FAT2: variants seen among roughly 807,000 people sequenced by gnomAD.
The protein encoded by FAT2 is protocadherin Fat 2.
A neutral mutation model predicts 295.3 loss-of-function variants in FAT2; 150 were observed. The ratio of observed to expected loss-of-function variants is 0.51; its 90% CI spans 0.44 to 0.58. The LOEUF (loss-of-function observed/expected upper bound fraction) is 0.58. Ranked by LOEUF, FAT2 falls within the 20% of genes least tolerant of loss-of-function variation. The probability of loss-of-function intolerance (pLI) is 0.00; values close to 1 mark genes in which losing one functional copy is unlikely to be tolerated. For missense variants in FAT2, 4,868 were observed against 5,442.7 expected (o/e 0.89, Z 3.32); for synonymous variants, 2,026 against 2,150.3 (o/e 0.94, Z 1.60).
chr5:151,593,402 C>T (rs77226365), upstream of FAT2, among the ~76,000 whole-genome samples: 1,793 of 152,238 alleles, frequency 0.012, 39 homozygotes, highest in African/African-American at 0.041. Context: ...ATTTCAGAGC[C>T]TCTTAAGGCT....
intron 22 of FAT2, among the ~76,000 whole-genome samples, chr5:151,509,024 TTCTC>T (rs1164503559): frequency 6.6e-6 from 1 of 152,142 alleles, no homozygotes. Flanking sequence ...CAAAGTCTCT[TTCTC>T]TCTAGGATTC....
intron 1 of FAT2, among the ~76,000 whole-genome samples, chr5:151,576,808 A>C (rs1176233829): frequency 6.6e-6 from 1 of 152,160 alleles, no homozygotes; most frequent in East Asian, 1.9e-4. Context: ...AGAAGTTTGC[A>C]CAAGTTTGTT....
chr5:151,558,070 T>C (rs3097777), intron 3 of FAT2, among the ~76,000 whole-genome samples: 4,903 of 152,274 alleles, frequency 0.032, 124 homozygotes, highest in Middle Eastern at 0.051. Context: ...ACCTTTAACA[T>C]CTTTCTGGCT....
At chr5:151,510,840 C>T (rs10070965) in intron 21 of FAT2, 109,233 of 152,016 alleles carry the variant, frequency 0.72, 39,665 homozygotes, top group East Asian at 0.96. Flanking sequence ...GAGAAGAGTG[C>T]GTGCAAAGGC....
rs958534265 is a variant in FAT2 at position 151,504,389 on chromosome 5, C to T, written c.*1176G>A. On this transcript the variant is annotated 3_prime_UTR_variant, in exon 24 of 24. Transcript: ENST00000261800. ...CCACAGAGGCTTCTGGTCCCCACCACTCCTGGCTACATACACTCTACACAT... is the reference window on the plus strand; with the variant it reads ...CCACAGAGGCTTCTGGTCCCCACCATTCCTGGCTACATACACTCTACACAT... 3 of 152,712 alleles carry T rather than the reference C, an allele frequency of 2.0e-5. No individual in the cohort carries two copies. Among genetic ancestry groups the T allele is most frequent in the Admixed American group, 6.5e-5 (1 of 15,288 alleles). 9.5% of individuals were successfully genotyped at this position (152,712 alleles called of 1,614,324 possible). A position where few individuals can be genotyped will look rare whatever the true frequency, so the allele number is the denominator to read the frequency against.
intron 1 of FAT2, among the ~76,000 whole-genome samples, chr5:151,576,824 G>GCAAA (rs1440999234): frequency 2.6e-5 from 4 of 152,134 alleles, no homozygotes; most frequent in African/African-American, 9.7e-5. Flanking sequence ...TTGTTATTGT[G>GCAAA]CAAACATCAT....
intron 13 of FAT2, among the ~76,000 whole-genome samples, chr5:151,533,299 T>C (rs1754854725): frequency 6.6e-6 from 1 of 152,062 alleles, no homozygotes; most frequent in South Asian, 2.1e-4. Context: ...AGATGGCTTA[T>C]GGGTCACTCC....
chr5:151,559,716 G>T (rs928249147), intron 3 of FAT2, among the ~76,000 whole-genome samples: 1 of 151,026 alleles, frequency 6.6e-6, no homozygotes, highest in East Asian at 1.9e-4. Context: ...TTCTACTTCT[G>T]CCTCTCACCA....
At chr5:151,552,341 A>G (rs1030103916) in intron 6 of FAT2, among the ~76,000 whole-genome samples, 1 of 152,182 alleles carries the variant, frequency 6.6e-6, no homozygotes, top group African/African-American at 2.4e-5. Flanking sequence ...GTATTAAAGA[A>G]AAAAAGTCAA....
chr5:151,538,010 AGAGT>A, intron 11 of FAT2, 64 bp from the exon 12 acceptor site: 1 of 1,483,630 alleles, frequency 6.7e-7, no homozygotes, highest in Non-Finnish European at 9.2e-7. Flanking sequence ...AGAGAGAAGC[AGAGT>A]GACTGACTGA....
chr5:151,579,282 C>T (rs1758855043), intron 1 of FAT2, among the ~76,000 whole-genome samples: 1 of 152,110 alleles, frequency 6.6e-6, no homozygotes, highest in South Asian at 2.1e-4. Flanking sequence ...AAAAAATAAG[C>T]ATGTAGGGGC....
intron 20 of FAT2, among the ~76,000 whole-genome samples, chr5:151,515,465 A>T (rs11744209): frequency 0.79 from 119,712 of 152,090 alleles, 47,584 homozygotes; most frequent in East Asian, 0.96. Context: ...GGCTTGTCTT[A>T]CCAGATCCAC....
chr5:151,504,109 A>C lies in FAT2; in HGVS notation c.*1456T>G, dbSNP rs1760663048. On this transcript the variant is annotated 3_prime_UTR_variant, in exon 24 of 24. Transcript: ENST00000261800. ...ACAGAAAATAACAGTAAAAAAAGAT[A>C]CTTTATTGTTAAAAAAAAAATGACC... The C allele has an allele frequency of 6.7e-6, 1 of 149,070 alleles. No individual in the cohort carries two copies. The highest frequency in any genetic ancestry group is 2.4e-5 in the African/African-American group (1 of 41,128). 9.2% of individuals were successfully genotyped at this position (149,070 alleles called of 1,614,324 possible). A position where few individuals can be genotyped will look rare whatever the true frequency, so the allele number is the denominator to read the frequency against.
chr5:151,567,612 G>T lies in FAT2; in HGVS notation c.1320C>A (p.Ala440=), dbSNP rs1413606886. The stretch of plus-strand genomic sequence containing the variant: ...CAATGTCAATGACCACCACGGTGGA[G>T]GCCTGGCCCGGTGAGGTTCTGATGT... ...QLHIRTSPGQ[A]STVVVIDIVD... is the part of the protein sequence containing the mutation. Residue 440 remains alanine (A), a synonymous_variant, in exon 2 of 24, where the codon GCC becomes GCA. Coordinates refer to ENST00000261800, the MANE Select transcript of FAT2 (RefSeq NM_001447.3). 2 of 1,614,052 alleles carry T rather than the reference G, an allele frequency of 1.2e-6. No homozygotes were observed. Among genetic ancestry groups the T allele is most frequent in the South Asian group, 1.1e-5 (1 of 91,078 alleles).
At chr5:151,570,403 G>A (rs1162198345) in intron 1 of FAT2, among the ~76,000 whole-genome samples, 2 of 152,214 alleles carry the variant, frequency 1.3e-5, no homozygotes, top group African/African-American at 2.4e-5. Context: ...CCCCAGAGTC[G>A]AGATCAGTCA....
At chr5:151,551,790 T>C (rs1333403344) in intron 6 of FAT2, among the ~76,000 whole-genome samples, 184 bp from the exon 7 acceptor site, 2 of 152,228 alleles carry the variant, frequency 1.3e-5, no homozygotes, top group Admixed American at 6.5e-5. Context: ...TGTCAAGTTG[T>C]TGTCAAGTTA....
chr5:151,568,527 C>G lies in FAT2; in HGVS notation c.405G>C (p.Val135=). ...GGTCATTCTGGTCCAGGATGTGGACCACCACACGGGTCAAAGCTTCCAACT... is the reference window on the plus strand; with the variant it reads ...GGTCATTCTGGTCCAGGATGTGGACGACCACACGGGTCAAAGCTTCCAACT... ...TLELEALTRV[V]VHILDQNDLK... Residue 135 remains valine (V), a synonymous_variant, in exon 2 of 24, where the codon GTG becomes GTC. Coordinates refer to ENST00000261800, the MANE Select transcript of FAT2 (RefSeq NM_001447.3). The G allele has an allele frequency of 6.2e-7, 1 of 1,614,010 alleles. No individual in the cohort carries two copies. The highest frequency in any genetic ancestry group is 8.5e-7 in the Non-Finnish European group (1 of 1,180,006).
rs2127626812 is a variant in FAT2 at position 151,553,195 on chromosome 5, A to G, written c.4138T>C (p.Phe1380Leu). ...GCCTCACCTGAGATGTTGAACCAGA[A>G]GAGTCCGGGTCTGCCCTCTACGCTG... is the stretch of plus-strand genomic sequence containing the variant. ...VISVEGRPGL[F>L]WFNISGGDKD... The change falls in exon 6 of 24, where the codon TTC (phenylalanine) becomes CTC (leucine). Residue 1380 changes from phenylalanine (F) to leucine (L), a missense_variant. Phe to Leu is a conservative substitution (Grantham distance 22). Around this residue, in one of 5 missense-constraint regions of FAT2, gnomAD observed 3,297 missense variants for 3,669.4 expected, o/e 0.90. Transcript: ENST00000261800. 3 of 1,614,258 alleles carry G rather than the reference A, an allele frequency of 1.9e-6. No individual in the cohort carries two copies. Among genetic ancestry groups the G allele is most frequent in the Non-Finnish European group, 2.5e-6 (3 of 1,180,044 alleles).
rs1756301365 is a variant in FAT2 at position 151,543,009 on chromosome 5, C to A, written c.8118G>T (p.Glu2706Asp). 1 of 1,614,080 alleles carries A rather than the reference C, an allele frequency of 6.2e-7. No individual in the cohort carries two copies. The highest frequency in any genetic ancestry group is 1.1e-5 in the South Asian group (1 of 91,078). ...YTFSAPEDLP[E>D]GSEIGIVKAV... ...CTTTAACAATCCCAATTTCAGACCC[C>A]TCTGGAAGGTCTTCAGGTGCAGAGA... The change falls in exon 10 of 24, where the codon GAG becomes GAT. Residue 2706 changes from glutamate to aspartate, a missense_variant. Glu to Asp is a conservative substitution (Grantham distance 45). Transcript: ENST00000261800.
Sources: gnomAD v4.1 joint callset for allele counts (sites outside exome capture counted in the v4.1 genomes callset) on GRCh38, gnomAD v4.1.1 for gene constraint, gnomAD v4.1.1 regional missense constraint, MANE v1.5 for transcripts, NCBI Gene and HGNC (gene_info 2026-07-23, HGNC 2026-07-21) for gene names.